TBC1D8: variants seen among roughly 807,000 people sequenced by gnomAD.
The protein encoded by TBC1D8 is BUB2-like protein 1.
A neutral mutation model predicts 118.8 loss-of-function variants in TBC1D8; 65 were observed. The observed-to-expected ratio is 0.55, with a 90% CI of 0.45 to 0.67. TBC1D8 has a LOEUF of 0.67. Among genes scored for constraint, TBC1D8 ranks in the 30% least tolerant of loss-of-function variants. TBC1D8 has a pLI of 0.00. For synonymous variants in TBC1D8, 566 were observed against 595.8 expected, an observed-to-expected ratio of 0.95 and a Z score of 0.73; for missense variants, 1,376 against 1,471.2, an observed-to-expected ratio of 0.94 and a Z score of 1.06.
At chr2:101,040,930 A>C (rs1231146941) in intron 5 of TBC1D8, among the ~76,000 whole-genome samples, 1 of 152,262 alleles carries the variant, frequency 6.6e-6, no homozygotes, top group East Asian at 1.9e-4. Context: ...TCTGCACAGC[A>C]GTAATTTAAT....
At chr2:101,068,996 G>A (rs1244254172) in intron 2 of TBC1D8, among the ~76,000 whole-genome samples, 2 of 134,162 alleles carry the variant, frequency 1.5e-5, no homozygotes, top group African/African-American at 2.8e-5. Context: ...GCAAGACTCC[G>A]TTTCAAGAAA....
intron 1 of TBC1D8, among the ~76,000 whole-genome samples, chr2:101,099,857 T>C (rs953660764): frequency 6.6e-6 from 1 of 152,144 alleles, no homozygotes; most frequent in Non-Finnish European, 1.5e-5. Context: ...TGATGGAACA[T>C]AACTCAAAAT....
At chr2:101,108,895 A>C (rs1478532178) in intron 1 of TBC1D8, among the ~76,000 whole-genome samples, 1 of 152,220 alleles carries the variant, frequency 6.6e-6, no homozygotes, top group African/African-American at 2.4e-5. Context: ...CATTAATTGT[A>C]ACAAATAGGC....
chr2:101,027,350 C>G (rs1201639479), intron 15 of TBC1D8, 33 bp downstream of exon 15: 4 of 1,604,456 alleles, frequency 2.5e-6, no homozygotes, highest in Non-Finnish European at 3.4e-6. Context: ...CAGCTCAGGG[C>G]CTGGAACCCC....
At chr2:101,123,449 C>T (rs553416080) in intron 1 of TBC1D8, among the ~76,000 whole-genome samples, 2 of 152,166 alleles carry the variant, frequency 1.3e-5, no homozygotes, top group African/African-American at 4.8e-5. Context: ...CAGAGTAGGC[C>T]ACAACCACAA....
At chr2:101,064,578 CTT>C (rs1440575822) in intron 2 of TBC1D8, among the ~76,000 whole-genome samples, 1 of 152,146 alleles carries the variant, frequency 6.6e-6, no homozygotes, top group East Asian at 1.9e-4. Flanking sequence ...CAAAAAAAGA[CTT>C]TTTCGTTTTC....
chr2:101,136,097 G>A (rs1277558515), intron 1 of TBC1D8, among the ~76,000 whole-genome samples: 4 of 152,034 alleles, frequency 2.6e-5, no homozygotes, highest in Non-Finnish European at 5.9e-5. Flanking sequence ...CAAGTGATCC[G>A]GCAGCCTCTG....
At chr2:101,047,615 T>A (rs1015231078) in intron 5 of TBC1D8, among the ~76,000 whole-genome samples, 2 of 152,170 alleles carry the variant, frequency 1.3e-5, no homozygotes, top group African/African-American at 4.8e-5. Context: ...TACATGCCTT[T>A]CACTTTCTGA....
intron 1 of TBC1D8, among the ~76,000 whole-genome samples, chr2:101,131,960 T>TA (rs1678613104): frequency 3.3e-5 from 5 of 152,236 alleles, no homozygotes; most frequent in African/African-American, 1.2e-4. Flanking sequence ...AGGTATATTT[T>TA]ACATCTTGTT....
chr2:101,059,478 G>A lies in TBC1D8; in HGVS notation c.345C>T (p.Thr115=), dbSNP rs1439114696. 6.2e-7 allele frequency: 1 copy of A among 1,613,942 alleles called. No homozygotes were observed. Among genetic ancestry groups the A allele is most frequent in the South Asian group, 1.1e-5 (1 of 91,084 alleles). Residue 115 remains threonine (T), a synonymous_variant, in exon 3 of 20, where the codon ACC becomes ACT. Coordinates refer to ENST00000409318, the MANE Select transcript of TBC1D8 (RefSeq NM_001330348.2). The stretch of plus-strand genomic sequence containing the variant: ...CATCTTTATTATCAAAGACAGACAA[G>A]GTGTGGAGGAGATTTTGTTCCAGCC... ...WDWLEQNLLH[T]LSVFDNKDDI...
intron 17 of TBC1D8, among the ~76,000 whole-genome samples, chr2:101,014,875 C>G (rs1679498630): frequency 6.6e-6 from 1 of 152,226 alleles, no homozygotes; most frequent in Non-Finnish European, 1.5e-5. Context: ...CACATGCTCT[C>G]TATCTTTGGT....
At position 101,028,288 on chromosome 2, in the gene TBC1D8, G is replaced by A. The variant is rs767701322; in HGVS notation, c.2352+15C>T. 11 of 1,606,408 alleles carry A rather than the reference G, an allele frequency of 6.8e-6. No individual in the cohort carries two copies. Among genetic ancestry groups the A allele is most frequent in the Middle Eastern group, 1.9e-4 (1 of 5,328 alleles). On this transcript the variant is annotated intron_variant, in intron 13 of 19. Coordinates refer to ENST00000409318, the MANE Select transcript of TBC1D8 (RefSeq NM_001330348.2). Reference sequence around the variant, plus strand: ...TAGGGGCTGCAACGGGGCATGGGGCGGGGGTTCCCGTTACCTCATAGGAAT... The same window carrying A: ...TAGGGGCTGCAACGGGGCATGGGGCAGGGGTTCCCGTTACCTCATAGGAAT...
chr2:101,103,516 C>T (rs1468603402), intron 1 of TBC1D8, among the ~76,000 whole-genome samples: 1 of 151,570 alleles, frequency 6.6e-6, no homozygotes, highest in East Asian at 1.9e-4. Context: ...TTCAGCCTCC[C>T]GAGTAGCTGG....
intron 19 of TBC1D8, among the ~76,000 whole-genome samples, chr2:101,009,213 G>A (rs1678987686): frequency 6.6e-6 from 1 of 152,026 alleles, no homozygotes; most frequent in Admixed American, 6.6e-5. Flanking sequence ...CTAACACCTG[G>A]CTAACATGGT....
At chr2:101,053,252 G>C (rs1342510404) in intron 4 of TBC1D8, among the ~76,000 whole-genome samples, 1 of 152,186 alleles carries the variant, frequency 6.6e-6, no homozygotes, top group Non-Finnish European at 1.5e-5. Context: ...TCAAAAAGAA[G>C]GAAGGTGGCC....
intron 15 of TBC1D8, among the ~76,000 whole-genome samples, chr2:101,022,878 C>G (rs1419971310): frequency 6.6e-6 from 1 of 152,054 alleles, no homozygotes; most frequent in Non-Finnish European, 1.5e-5. Flanking sequence ...CGTGGTGGCT[C>G]ACGCCTGTAA....
intron 1 of TBC1D8, among the ~76,000 whole-genome samples, chr2:101,148,538 G>A (rs1273223036): frequency 6.6e-6 from 1 of 152,208 alleles, no homozygotes; most frequent in South Asian, 2.1e-4. Context: ...GAGAGAGCAT[G>A]TATATGCATG....
intron 5 of TBC1D8, among the ~76,000 whole-genome samples, chr2:101,050,104 G>T (rs962823807): frequency 9.2e-5 from 14 of 152,188 alleles, no homozygotes. Context: ...TGGGATTACA[G>T]GCGTGAGCCA....
At chr2:101,150,962 G>C (rs1321602154) in intron 1 of TBC1D8, among the ~76,000 whole-genome samples, 165 bp downstream of exon 1, 1 of 151,852 alleles carries the variant, frequency 6.6e-6, no homozygotes, top group East Asian at 1.9e-4. Context: ...GAGCCCGCGG[G>C]AGAAACGCAG....
Sources: allele counts gnomAD v4.1 joint callset (sites outside exome capture counted in the v4.1 genomes callset), GRCh38; gene constraint gnomAD v4.1.1; transcripts MANE v1.5; gene names NCBI Gene and HGNC (gene_info 2026-07-23, HGNC 2026-07-21).